Variants in GABRB1 observed in about 807,000 individuals in gnomAD.
GABRB1 encodes the protein gamma-aminobutyric acid receptor subunit beta-1.
GABRB1 carries 17 observed loss-of-function variants against 51.6 expected under a neutral mutation model. That is an observed-to-expected ratio of 0.33 (90% CI 0.23 to 0.49). The LOEUF (loss-of-function observed/expected upper bound fraction) is 0.49. Among genes scored for constraint, GABRB1 ranks in the 20% least tolerant of loss-of-function variants. GABRB1 has a pLI of 0.99. For synonymous variants in GABRB1, 247 were observed against 218.9 expected, an observed-to-expected ratio of 1.13 and a Z score of -1.14; for missense variants, 410 against 600.6, an observed-to-expected ratio of 0.68 and a Z score of 3.32.
chr4:46,995,238 A>G (rs1024203385), intron 1 of GABRB1, among the ~76,000 whole-genome samples: 5 of 152,222 alleles, frequency 3.3e-5, no homozygotes, highest in Admixed American at 6.5e-5. Flanking sequence ...ATAAATGTGG[A>G]TGACTATCAA....
intron 4 of GABRB1, among the ~76,000 whole-genome samples, chr4:47,193,331 AGGCTGAT>A (rs1719520912): frequency 6.6e-6 from 1 of 152,168 alleles, no homozygotes; most frequent in African/African-American, 2.4e-5. Context: ...CACATTGGTC[AGGCTGAT>A]CTGGAACTCC....
chr4:47,170,380 TAC>T (rs10555441), intron 4 of GABRB1, among the ~76,000 whole-genome samples: 123,440 of 148,928 alleles, frequency 0.83, 50,982 homozygotes, highest in Middle Eastern at 0.9. Context: ...ACAGATCCAC[TAC>T]ACACACACAC....
intron 3 of GABRB1, among the ~76,000 whole-genome samples, chr4:47,143,867 T>G (rs1717039478): frequency 6.6e-6 from 1 of 151,902 alleles, no homozygotes; most frequent in South Asian, 2.1e-4. Context: ...GAACTAGCTA[T>G]TGTCTTTTTC....
At chr4:47,110,830 G>A (rs1715184196) in intron 3 of GABRB1, among the ~76,000 whole-genome samples, 5 of 152,152 alleles carry the variant, frequency 3.3e-5, no homozygotes. Flanking sequence ...ACCAAAATGT[G>A]AAAGTATGTG....
intron 3 of GABRB1, among the ~76,000 whole-genome samples, chr4:47,106,457 A>G (rs1269997285): frequency 6.6e-6 from 1 of 152,112 alleles, no homozygotes; most frequent in Non-Finnish European, 1.5e-5. Context: ...TAAGTTTACT[A>G]TATAGTTAAC....
At chr4:47,071,125 T>C (rs187625974) in intron 3 of GABRB1, among the ~76,000 whole-genome samples, 19 of 152,346 alleles carry the variant, frequency 1.2e-4, no homozygotes, top group Non-Finnish European at 2.8e-4. Context: ...TTCCATATCC[T>C]GTGCCAGACC....
chr4:47,175,649 C>G (rs1248368916), intron 4 of GABRB1, among the ~76,000 whole-genome samples: 1 of 152,112 alleles, frequency 6.6e-6, no homozygotes, highest in Non-Finnish European at 1.5e-5. Context: ...TTCAACAGCC[C>G]ATGAGTAGGG....
intron 1 of GABRB1, among the ~76,000 whole-genome samples, chr4:47,001,020 A>T (rs1724161175): frequency 6.6e-6 from 1 of 152,242 alleles, no homozygotes; most frequent in Non-Finnish European, 1.5e-5. Context: ...GAAATATTTC[A>T]TAGAACAAAT....
chr4:47,285,088 A>C (rs1018332590), intron 4 of GABRB1, among the ~76,000 whole-genome samples: 5 of 152,202 alleles, frequency 3.3e-5, no homozygotes, highest in Non-Finnish European at 7.4e-5. Context: ...TTCAGCCTAG[A>C]TTCTGAAATA....
intron 3 of GABRB1, among the ~76,000 whole-genome samples, chr4:47,048,843 G>A (rs892049276): frequency 2.0e-5 from 3 of 152,046 alleles, no homozygotes; most frequent in Admixed American, 6.6e-5. Flanking sequence ...TTTCCCTTTA[G>A]AGTTTCCTCT....
intron 5 of GABRB1, among the ~76,000 whole-genome samples, chr4:47,337,850 A>G (rs1410502466): frequency 3.4e-5 from 5 of 147,170 alleles, no homozygotes; most frequent in African/African-American, 1.2e-4. Flanking sequence ...TCCTTGTGGG[A>G]TGTCATTAAA....
At chr4:47,078,638 T>C (rs1727676020) in intron 3 of GABRB1, among the ~76,000 whole-genome samples, 1 of 152,188 alleles carries the variant, frequency 6.6e-6, no homozygotes, top group South Asian at 2.1e-4. Flanking sequence ...ACTTTGATCA[T>C]CTGTAAAATG....
At chr4:47,192,149 A>T (rs1719464079) in intron 4 of GABRB1, among the ~76,000 whole-genome samples, 1 of 152,082 alleles carries the variant, frequency 6.6e-6, no homozygotes, top group Non-Finnish European at 1.5e-5. Context: ...GGAATCGTAC[A>T]TTTGGGGAAA....
At chr4:47,201,112 T>A (rs1473861709) in intron 4 of GABRB1, among the ~76,000 whole-genome samples, 1 of 152,140 alleles carries the variant, frequency 6.6e-6, no homozygotes, top group East Asian at 1.9e-4. Context: ...TGCAATATTT[T>A]AAAAATATGT....
chr4:47,094,811 TAC>T (rs1714324038), intron 3 of GABRB1, among the ~76,000 whole-genome samples: 6 of 151,768 alleles, frequency 4.0e-5, no homozygotes, highest in African/African-American at 1.4e-4. Flanking sequence ...TAATTAATAG[TAC>T]AAAACAGGTA....
chr4:47,139,443 G>T (rs1716818630), intron 3 of GABRB1, among the ~76,000 whole-genome samples: 1 of 151,972 alleles, frequency 6.6e-6, no homozygotes, highest in African/African-American at 2.4e-5. Flanking sequence ...GCTGTATATT[G>T]ATTCACATTT....
At chr4:47,033,255 T>G (rs1560503985) in intron 3 of GABRB1, among the ~76,000 whole-genome samples, 1 of 152,208 alleles carries the variant, frequency 6.6e-6, no homozygotes, top group East Asian at 1.9e-4. Flanking sequence ...AGCACAGTCC[T>G]TTCATTTCAA....
chr4:47,067,346 G>A (rs1044438498), intron 3 of GABRB1, among the ~76,000 whole-genome samples: 1 of 152,186 alleles, frequency 6.6e-6, no homozygotes, highest in East Asian at 1.9e-4. Context: ...CCTAACAAGA[G>A]GGTCAGCCTG....
chr4:47,074,376 A>G (rs1727465998), intron 3 of GABRB1, among the ~76,000 whole-genome samples: 1 of 152,226 alleles, frequency 6.6e-6, no homozygotes, highest in East Asian at 1.9e-4. Context: ...ATGTAAGGCT[A>G]ATGTTTGATT....
Sources: gnomAD v4.1 joint callset for allele counts (sites outside exome capture counted in the v4.1 genomes callset) on GRCh38, gnomAD v4.1.1 for gene constraint, MANE v1.5 for transcripts, NCBI Gene and HGNC (gene_info 2026-07-23, HGNC 2026-07-21) for gene names.